Variants in TAFA4 observed in about 807,000 individuals in gnomAD.
TAFA4 encodes the protein TAFA chemokine like family member 4.
In TAFA4, 20 loss-of-function variants were observed where a neutral mutation model predicts 21.1. The ratio of observed to expected loss-of-function variants is 0.95; its 90% CI spans 0.67 to 1.38. The LOEUF is 1.38. Ranked by LOEUF, TAFA4 falls within the 40% of genes most tolerant of loss-of-function variation. The pLI, the probability that TAFA4 is intolerant of heterozygous loss-of-function variation, is 0.00. For synonymous variants in TAFA4, 71 were observed against 67.4 expected (o/e 1.05, Z -0.26); for missense variants, 211 against 180.9 (o/e 1.17, Z -0.95).
intron 2 of TAFA4, among the ~76,000 whole-genome samples, chr3:68,882,208 A>C (rs971669947): frequency 4.6e-5 from 7 of 152,182 alleles, no homozygotes; most frequent in Non-Finnish European, 8.8e-5. Flanking sequence ...ATAAAAAATT[A>C]ATCTTTCATT....
At chr3:68,746,660 AT>A (rs35379144) in intron 4 of TAFA4, among the ~76,000 whole-genome samples, 88,569 of 151,940 alleles carry the variant, frequency 0.58, 26,815 homozygotes, top group East Asian at 0.92. Context: ...AGCACTAACC[AT>A]TTTTTTTACA....
Position 68,739,131 on chromosome 3 carries a change from G to A in TAFA4, c.355C>T (p.Leu119=), listed in dbSNP as rs537741163. The A allele has an allele frequency of 3.8e-5, 62 of 1,613,998 alleles. 2 individuals carry two copies. The South Asian group carries it at 6.5e-4, about 17-fold the overall frequency. Residue 119 remains leucine (L), a synonymous_variant, in exon 5 of 6, where the codon CTG becomes TTG. Transcript: ENST00000295569. ...PCLEGEDCKV[L]PDYSGWSCSS... ...CAGGACCAACCTGAGTAATCTGGCAGCACTTTACAATCCTCTCCTTCCAAA... is the reference window on the plus strand; with the variant it reads ...CAGGACCAACCTGAGTAATCTGGCAACACTTTACAATCCTCTCCTTCCAAA...
At chr3:68,745,820 C>G (rs1261107384) in intron 4 of TAFA4, among the ~76,000 whole-genome samples, 1 of 152,190 alleles carries the variant, frequency 6.6e-6, no homozygotes, top group Non-Finnish European at 1.5e-5. Context: ...TGGATTCTTA[C>G]TTGCTGATTT....
At chr3:68,788,621 T>G (rs954872380) in intron 3 of TAFA4, among the ~76,000 whole-genome samples, 3 of 152,140 alleles carry the variant, frequency 2.0e-5, no homozygotes, top group Non-Finnish European at 4.4e-5. Context: ...TTACATATTT[T>G]TTTTTTAAGA....
intron 3 of TAFA4, among the ~76,000 whole-genome samples, chr3:68,769,769 ATATT>A (rs1327579067): frequency 6.6e-6 from 1 of 152,222 alleles, no homozygotes; most frequent in Non-Finnish European, 1.5e-5. Flanking sequence ...CATCCTCATA[ATATT>A]TAATTAATTA....
intron 3 of TAFA4, among the ~76,000 whole-genome samples, chr3:68,774,407 T>C (rs1336452901): frequency 1.3e-5 from 2 of 152,174 alleles, no homozygotes; most frequent in Non-Finnish European, 2.9e-5. Context: ...GATAAGACCA[T>C]GAATACAGAG....
intron 3 of TAFA4, among the ~76,000 whole-genome samples, chr3:68,755,176 A>G (rs1025142554): frequency 6.6e-6 from 1 of 152,134 alleles, no homozygotes; most frequent in Admixed American, 6.6e-5. Flanking sequence ...TATATCTCCC[A>G]TCACCAACCA....
intron 3 of TAFA4, among the ~76,000 whole-genome samples, chr3:68,780,899 TAA>T (rs61272017): frequency 0.32 from 47,266 of 146,376 alleles, 8,105 homozygotes; most frequent in Non-Finnish European, 0.4. Context: ...TTCTAGGACA[TAA>T]AAAAAAAAAA....
chr3:68,925,805 G>A (rs948894934), intron 1 of TAFA4, among the ~76,000 whole-genome samples: 3 of 152,198 alleles, frequency 2.0e-5, no homozygotes, highest in Non-Finnish European at 4.4e-5. Flanking sequence ...CCACAACGTA[G>A]GAGGTCTCTA....
At chr3:68,921,643 C>T (rs774849414) in intron 1 of TAFA4, among the ~76,000 whole-genome samples, 3 of 152,268 alleles carry the variant, frequency 2.0e-5, no homozygotes, top group Admixed American at 6.5e-5. Context: ...ATTCCCAGAA[C>T]GAATGAAATC....
At chr3:68,857,810 C>CAAA (rs200281179) in intron 3 of TAFA4, among the ~76,000 whole-genome samples, 4 of 116,422 alleles carry the variant, frequency 3.4e-5, no homozygotes, top group African/African-American at 9.5e-5. Flanking sequence ...TCATTCAAAA[C>CAAA]AAAAAAAAAA....
chr3:68,762,133 C>G (rs980819255), intron 3 of TAFA4, among the ~76,000 whole-genome samples: 2 of 149,862 alleles, frequency 1.3e-5, no homozygotes, highest in African/African-American at 4.9e-5. Flanking sequence ...GAGGGAAAAA[C>G]TGTAGCTAGA....
chr3:68,782,705 G>A (rs1378619393), intron 3 of TAFA4, among the ~76,000 whole-genome samples: 1 of 152,116 alleles, frequency 6.6e-6, no homozygotes. Context: ...AATCCCTAGA[G>A]CAGAAAGCAA....
intron 1 of TAFA4, among the ~76,000 whole-genome samples, chr3:68,924,200 G>A (rs73835374): frequency 1.3e-5 from 2 of 152,286 alleles, no homozygotes; most frequent in African/African-American, 4.8e-5. Flanking sequence ...GTTCATAGCA[G>A]CATGACGTGC....
At chr3:68,757,412 T>C (rs1702678532) in intron 3 of TAFA4, among the ~76,000 whole-genome samples, 1 of 152,070 alleles carries the variant, frequency 6.6e-6, no homozygotes. Context: ...CTTCAGCATA[T>C]GAATTTTGAG....
intron 3 of TAFA4, among the ~76,000 whole-genome samples, chr3:68,877,413 C>G (rs929432463): frequency 3.3e-5 from 5 of 152,140 alleles, no homozygotes; most frequent in Admixed American, 3.3e-4. Flanking sequence ...CTGACCCAAG[C>G]ATCTCATGCC....
At chr3:68,800,909 G>C (rs1202576057) in intron 3 of TAFA4, among the ~76,000 whole-genome samples, 1 of 152,154 alleles carries the variant, frequency 6.6e-6, no homozygotes, top group East Asian at 1.9e-4. Flanking sequence ...TCAAAATGAT[G>C]GGACATCAGC....
intron 3 of TAFA4, among the ~76,000 whole-genome samples, chr3:68,874,576 A>G (rs2089524465): frequency 6.6e-6 from 1 of 152,184 alleles, no homozygotes; most frequent in Admixed American, 6.5e-5. Flanking sequence ...CCGTGGCTTG[A>G]AAGAAGAAAA....
chr3:68,888,799 C>T (rs2089699934), intron 1 of TAFA4, among the ~76,000 whole-genome samples: 1 of 151,772 alleles, frequency 6.6e-6, no homozygotes, highest in Non-Finnish European at 1.5e-5. Flanking sequence ...AGGAACACGG[C>T]CCTCGAGATA....
Sources: allele counts gnomAD v4.1 joint callset (sites outside exome capture counted in the v4.1 genomes callset), GRCh38; gene constraint gnomAD v4.1.1; transcripts MANE v1.5; gene names NCBI Gene and HGNC (gene_info 2026-07-23, HGNC 2026-07-21).